The following MTHFD2 variants were observed in gnomAD, a reference collection of about 807,000 sequenced individuals.
MTHFD2 encodes the protein methylenetetrahydrofolate dehydrogenase (NADP+ dependent) 2, methenyltetrahydrofolate cyclohydrolase.
In MTHFD2, 26 loss-of-function variants were observed where a neutral mutation model predicts 36.8. That is an observed-to-expected ratio of 0.71 (90% CI 0.52 to 0.98). The LOEUF (loss-of-function observed/expected upper bound fraction) is 0.98, where lower values mean the gene tolerates loss of function less well. Among genes scored for constraint, MTHFD2 ranks in the 50% least tolerant of loss-of-function variants. MTHFD2 has a pLI of 0.00. For missense variants in MTHFD2, 373 were observed against 434.0 expected (o/e 0.86, Z 1.25); for synonymous variants, 164 against 155.2 (o/e 1.06, Z -0.42).
chr2:74,210,785 GT>G lies in MTHFD2; in HGVS notation c.671-397del, dbSNP rs71406865. Among the ~76,000 whole-genome samples the G allele has an allele frequency of 4.5e-4, 59 of 132,040 alleles. 2 individuals are homozygous for G. Among genetic ancestry groups the G allele is most frequent in the South Asian group, 7.0e-4 (3 of 4,302 alleles). 86.6% of individuals were successfully genotyped at this position (132,040 alleles called of 152,430 possible). On this transcript the variant is annotated intron_variant, in intron 5 of 7. Coordinates refer to ENST00000394053, the MANE Select transcript of MTHFD2 (RefSeq NM_006636.4). Reference sequence around the variant, plus strand: ...AAACATGGCACAAGCCATTAAGTCAGTTTTTTTTTTTTTTTTTCCTGGAGAT... The same window carrying G: ...AAACATGGCACAAGCCATTAAGTCAGTTTTTTTTTTTTTTTTCCTGGAGAT...
Position 74,207,790 on chromosome 2 carries a change from A to T in MTHFD2, c.373A>T (p.Asn125Tyr). The T allele has an allele frequency of 6.3e-7, 1 of 1,598,240 alleles. No homozygotes were observed. The highest frequency in any genetic ancestry group is 2.2e-5 in the East Asian group (1 of 44,636). The change falls in exon 3 of 8, where the codon AAT (asparagine) becomes TAT (tyrosine). Residue 125 changes from asparagine (N) to tyrosine (Y), a missense_variant. By Grantham distance (143) the Asn-to-Tyr change is moderately radical (BLOSUM62 -2). This residue lies in a region of MTHFD2 where 308 missense variants were observed against 397.8 expected (regional missense o/e 0.77). Transcript: ENST00000394053. The stretch of plus-strand genomic sequence containing the variant: ...AATCAATAAACTGAATAATGATGAT[A>T]ATGTAGATGGCCTCCTTGTTCAGTT... ...NLINKLNNDD[N>Y]VDGLLVQLPL...
chr2:74,211,725 C>A lies in MTHFD2; in HGVS notation c.764-16C>A, dbSNP rs778665691. On this transcript the variant is annotated splice_polypyrimidine_tract_variant and intron_variant, in intron 6 of 7. Transcript: ENST00000394053. ...GTTTTCAGTACTAAGTTGATCTTTC[C>A]TTTCTCCATTTCCAGGTATTCCAAA... The A allele has an allele frequency of 4.4e-6, 7 of 1,599,448 alleles. No homozygotes were observed. The African/African-American group carries it at 8.1e-5, about 18-fold the overall frequency.
chr2:74,208,646 G>A lies in MTHFD2; in HGVS notation c.487G>A (p.Gly163Arg). 20 of 1,614,154 alleles carry A rather than the reference G, an allele frequency of 1.2e-5. No homozygotes were observed. The highest frequency in any genetic ancestry group is 1.7e-5 in the Non-Finnish European group (20 of 1,180,004). The change falls in exon 4 of 8, where the codon GGA (glycine) becomes AGA (arginine). Residue 163 changes from glycine (G) to arginine (R), a missense_variant. By Grantham distance (125) the Gly-to-Arg change is moderately radical. Transcript: ENST00000394053. ...TGATGGCTTTCATGTAATTAATGTA[G>A]GACGAATGTGTTTGGATCAGTATTC... ...DVDGFHVINV[G>R]RMCLDQYSML...
rs1231971580 is a variant in MTHFD2, at chr2:74,215,386, A to ACTTCTT, written c.*1149_*1150insTCTTCT. 6.7e-6 allele frequency: 1 copy of ACTTCTT among 149,250 alleles called. No homozygotes were observed. The highest frequency in any genetic ancestry group is 2.5e-5 in the African/African-American group (1 of 40,562). 9.2% of individuals were successfully genotyped at this position (149,250 alleles called of 1,614,324 possible). A position where few individuals can be genotyped will look rare whatever the true frequency, so the allele number is the denominator to read the frequency against. The stretch of plus-strand genomic sequence containing the variant: ...GCTATTCCTATATTCAGTAACACTT[A>ACTTCTT]CTTCTATAGCCTTAAATAGATAATT... On this transcript the variant is annotated 3_prime_UTR_variant, in exon 8 of 8. Coordinates refer to ENST00000394053, the MANE Select transcript of MTHFD2 (RefSeq NM_006636.4).
Position 74,205,928 on chromosome 2 carries a change from A to G in MTHFD2, c.286+39A>G, listed in dbSNP as rs746429669. The stretch of plus-strand genomic sequence containing the variant: ...TGAGACCTCGACTGCGGTTCAGTTG[A>G]GGTTTATATGAGGCAAAGTCCATTC... On this transcript the variant is annotated intron_variant, in intron 2 of 7. Coordinates refer to ENST00000394053, the MANE Select transcript of MTHFD2 (RefSeq NM_006636.4). The G allele has an allele frequency of 1.1e-5, 17 of 1,589,222 alleles. 1 individual carries two copies. Among genetic ancestry groups the G allele is most frequent in the Middle Eastern group, 1.7e-4 (1 of 5,986 alleles).
chr2:74,203,904 TAGTTA>T (rs1286304965), intron 1 of MTHFD2, among the ~76,000 whole-genome samples: 1 of 20,236 alleles, frequency 4.9e-5, no homozygotes, highest in African/African-American at 3.2e-4. Context: ...TAGTTTAGTT[TAGTTA>T]GTTTAGTTTA....
chr2:74,211,291 G>C lies in MTHFD2; in HGVS notation c.763G>C (p.Gly255Arg). The C allele has an allele frequency of 6.3e-7, 1 of 1,584,154 alleles. No homozygotes were observed. Among genetic ancestry groups the C allele is most frequent in the Non-Finnish European group, 8.7e-7 (1 of 1,155,150 alleles). ...ILADIVISAA[G>R]IPNLITADMI... is the part of the protein sequence containing the mutation. Reference sequence around the variant, plus strand: ...TGCAGATATTGTAATATCTGCTGCAGGTAAGAACACAAGGGGGATGGAGGG... The same window carrying C: ...TGCAGATATTGTAATATCTGCTGCACGTAAGAACACAAGGGGGATGGAGGG... Residue 255 changes from glycine (G) to arginine (R), a missense_variant and splice_region_variant, in exon 6 of 8, where the codon GGT becomes CGT. This residue lies in a region of MTHFD2 where 308 missense variants were observed against 397.8 expected (regional missense o/e 0.77). Transcript: ENST00000394053.
At chr2:74,205,924 G>A (rs1694169897) in intron 2 of MTHFD2, 35 bp downstream of exon 2, 5 of 1,596,524 alleles carry the variant, frequency 3.1e-6, no homozygotes, top group Non-Finnish European at 4.3e-6. Context: ...CTGCGGTTCA[G>A]TTGAGGTTTA....
At chr2:74,210,508 G>C (rs1170821833) in intron 5 of MTHFD2, among the ~76,000 whole-genome samples, 1 of 152,124 alleles carries the variant, frequency 6.6e-6, no homozygotes. Flanking sequence ...TTGTAATAAT[G>C]ACCTTACATG....
chr2:74,200,349 C>T (rs971074716), intron 1 of MTHFD2, among the ~76,000 whole-genome samples: 2 of 152,122 alleles, frequency 1.3e-5, no homozygotes, highest in African/African-American at 4.8e-5. Flanking sequence ...ATGCTCTTTT[C>T]ACTACCTTTC....
At position 74,198,688 on chromosome 2, in the gene MTHFD2, A is replaced by T. The variant is rs1252091083; in HGVS notation, c.47A>T (p.Gln16Leu). Reference sequence around the variant, plus strand: ...TCTGCTTTGGCTGCCCGGCTGCTGCAGCCCGCGCACAGCTGCTCCCTTCGC... The same window carrying T: ...TCTGCTTTGGCTGCCCGGCTGCTGCTGCCCGCGCACAGCTGCTCCCTTCGC... Reference protein sequence around the residue: ...LMSALAARLLQPAHSCSLRLR... With the variant: ...LMSALAARLLLPAHSCSLRLR... The change falls in exon 1 of 8, where the codon CAG (glutamine) becomes CTG (leucine). Residue 16 changes from glutamine to leucine, a missense_variant. By Grantham distance (113) the Gln-to-Leu change is moderately radical. Transcript: ENST00000394053. The T allele has an allele frequency of 1.2e-6, 2 of 1,611,398 alleles. No individual in the cohort carries two copies. Among genetic ancestry groups the T allele is most frequent in the African/African-American group, 2.7e-5 (2 of 74,842 alleles).
Position 74,205,769 on chromosome 2 carries a change from G to A in MTHFD2, c.166G>A (p.Glu56Lys), listed in dbSNP as rs1694162294. The change falls in exon 2 of 8, where the codon GAG (glutamate) becomes AAG (lysine). Residue 56 changes from glutamate to lysine, a missense_variant. Glu to Lys is a moderately conservative substitution (Grantham distance 56, BLOSUM62 1). This residue lies in a region of MTHFD2 where 308 missense variants were observed against 397.8 expected (regional missense o/e 0.77). Coordinates refer to ENST00000394053, the MANE Select transcript of MTHFD2 (RefSeq NM_006636.4). Reference protein sequence around the residue: ...AQQIKQEVRQEVEEWVASGNK... With the variant: ...AQQIKQEVRQKVEEWVASGNK... ...GCAGATCAAGCAGGAAGTGCGGCAG[G>A]AGGTAGAAGAGTGGGTGGCCTCAGG... The A allele has an allele frequency of 3.7e-6, 6 of 1,613,888 alleles. No homozygotes were observed. Among genetic ancestry groups the A allele is most frequent in the South Asian group, 1.1e-5 (1 of 91,076 alleles).
At position 74,214,227 on chromosome 2, in the gene MTHFD2, G is replaced by A. The variant is rs1198837018; in HGVS notation, c.1038G>A (p.Gly346=). ...AAGTGCTGAAGTCTAAAGAGCTTGG[G>A]GTAGCCACTAATTAACTACTGTGTC... The part of the protein sequence containing the change: ...EREVLKSKEL[G]VATN The change falls in exon 8 of 8, where the codon GGG becomes GGA. Residue 346 remains glycine (G), a synonymous_variant. Coordinates refer to ENST00000394053, the MANE Select transcript of MTHFD2 (RefSeq NM_006636.4). 1.9e-6 allele frequency: 3 copies of A among 1,613,852 alleles called. No homozygotes were observed. Among genetic ancestry groups the A allele is most frequent in the East Asian group, 4.5e-5 (2 of 44,870 alleles).
intron 1 of MTHFD2, among the ~76,000 whole-genome samples, chr2:74,203,125 G>A (rs563648087): frequency 5.9e-5 from 9 of 151,800 alleles, no homozygotes; most frequent in South Asian, 4.2e-4. Flanking sequence ...CTCAGCTCCC[G>A]AGTAGCTGAG....
At chr2:74,212,727 C>G (rs1694335586) in intron 7 of MTHFD2, among the ~76,000 whole-genome samples, 1 of 152,034 alleles carries the variant, frequency 6.6e-6, no homozygotes, top group Non-Finnish European at 1.5e-5. Flanking sequence ...AATTTCTTGA[C>G]TTTTAACAAG....
chr2:74,199,259 C>T (rs927699800), intron 1 of MTHFD2, among the ~76,000 whole-genome samples: 1 of 152,108 alleles, frequency 6.6e-6, no homozygotes, highest in Non-Finnish European at 1.5e-5. Context: ...GCGCCGCCCT[C>T]CTCCCTCCGC....
chr2:74,212,881 A>G (rs1355326262), intron 7 of MTHFD2, among the ~76,000 whole-genome samples: 2 of 151,046 alleles, frequency 1.3e-5, no homozygotes, highest in African/African-American at 4.9e-5. Flanking sequence ...ATACTAGAAT[A>G]TACTAGTAGA....
At chr2:74,212,257 CTT>C (rs1694324170) in intron 7 of MTHFD2, among the ~76,000 whole-genome samples, 1 of 57,476 alleles carries the variant, frequency 1.7e-5, no homozygotes, top group Non-Finnish European at 3.0e-5. Flanking sequence ...TCCTTCGTTT[CTT>C]TCTCTTTTTT....
chr2:74,210,658 T>G (rs569953012), intron 5 of MTHFD2, among the ~76,000 whole-genome samples: 48 of 152,352 alleles, frequency 3.2e-4, no homozygotes, highest in African/African-American at 1.1e-3. Flanking sequence ...ATGAATAAAT[T>G]TAATTATATG....
Sources: gnomAD v4.1 joint callset for allele counts (sites outside exome capture counted in the v4.1 genomes callset) on GRCh38, gnomAD v4.1.1 for gene constraint, gnomAD v4.1.1 regional missense constraint, MANE v1.5 for transcripts, NCBI Gene and HGNC (gene_info 2026-07-23, HGNC 2026-07-21) for gene names.